CDH12: variants seen among roughly 807,000 people sequenced by gnomAD.
The protein encoded by CDH12 is cadherin 12, also known as cadherin-12.
CDH12 carries 41 observed loss-of-function variants against 74.1 expected under a neutral mutation model. The observed-to-expected ratio is 0.55, with a 90% confidence interval of 0.43 to 0.72. The LOEUF (loss-of-function observed/expected upper bound fraction) is 0.72, where lower values mean the gene tolerates loss of function less well. CDH12 is among the 30% of genes least tolerant of loss of function. The pLI is 0.00. For missense variants in CDH12, 945 were observed against 977.2 expected, an observed-to-expected ratio of 0.97 and a Z score of 0.44; for synonymous variants, 399 against 355.0, an observed-to-expected ratio of 1.12 and a Z score of -1.39.
At chr5:22,724,531 G>T (rs1433614810) in intron 1 of CDH12, among the ~76,000 whole-genome samples, 1 of 151,858 alleles carries the variant, frequency 6.6e-6, no homozygotes, top group Non-Finnish European at 1.5e-5. Flanking sequence ...ATCACCTCCA[G>T]CTCCATTTCA....
chr5:22,257,303 C>T (rs1413829418), intron 3 of CDH12, among the ~76,000 whole-genome samples: 1 of 151,836 alleles, frequency 6.6e-6, no homozygotes, highest in Non-Finnish European at 1.5e-5. Flanking sequence ...CAAACCTGCA[C>T]TTGTATCCCT....
intron 7 of CDH12, among the ~76,000 whole-genome samples, chr5:21,850,833 G>GT (rs966201483): frequency 8.0e-5 from 12 of 150,696 alleles, no homozygotes; most frequent in East Asian, 3.9e-4. Context: ...TCACTCAATT[G>GT]TTTTTTTTAA....
At chr5:22,527,228 C>G (rs958975842) in intron 1 of CDH12, among the ~76,000 whole-genome samples, 1 of 152,068 alleles carries the variant, frequency 6.6e-6, no homozygotes, top group Non-Finnish European at 1.5e-5. Flanking sequence ...TGGCATTGTT[C>G]TGGGTCCTTC....
At chr5:22,770,292 G>C (rs573572264) in intron 1 of CDH12, among the ~76,000 whole-genome samples, 1 of 152,192 alleles carries the variant, frequency 6.6e-6, no homozygotes. Context: ...AAAGCAAACA[G>C]GATTGGCATA....
intron 4 of CDH12, among the ~76,000 whole-genome samples, chr5:22,178,252 C>A (rs57626343): frequency 6.6e-6 from 1 of 151,884 alleles, no homozygotes; most frequent in Non-Finnish European, 1.5e-5. Context: ...CAGATGTGGA[C>A]TCAGCTCAAA....
At chr5:21,955,825 T>C (rs1195890360) in intron 6 of CDH12, among the ~76,000 whole-genome samples, 1 of 151,990 alleles carries the variant, frequency 6.6e-6, no homozygotes, top group Non-Finnish European at 1.5e-5. Context: ...GAATTGAACA[T>C]TTTTTTAAGG....
chr5:21,951,888 A>AG (rs1755878369), intron 6 of CDH12, among the ~76,000 whole-genome samples: 1 of 152,180 alleles, frequency 6.6e-6, no homozygotes, highest in Admixed American at 6.5e-5. Context: ...CACCAACCCT[A>AG]GGTACATCTT....
chr5:22,648,637 A>G (rs1739567071), intron 1 of CDH12, among the ~76,000 whole-genome samples: 1 of 151,928 alleles, frequency 6.6e-6, no homozygotes, highest in African/African-American at 2.4e-5. Context: ...TTTCTTATAG[A>G]CACAGGTACA....
intron 10 of CDH12, among the ~76,000 whole-genome samples, chr5:21,796,147 C>G (rs542475808): frequency 6.6e-6 from 1 of 151,862 alleles, no homozygotes; most frequent in African/African-American, 2.4e-5. Context: ...TACAGATGCC[C>G]CTTGACTTAC....
intron 1 of CDH12, among the ~76,000 whole-genome samples, chr5:22,648,119 C>G (rs1295749248): frequency 1.3e-5 from 2 of 151,740 alleles, no homozygotes; most frequent in Non-Finnish European, 3.0e-5. Flanking sequence ...TACATATATA[C>G]AGAAGATAAA....
intron 4 of CDH12, among the ~76,000 whole-genome samples, chr5:22,094,064 G>A (rs1743597103): frequency 6.6e-6 from 1 of 152,158 alleles, no homozygotes; most frequent in Non-Finnish European, 1.5e-5. Flanking sequence ...AAGTTTTATA[G>A]AAACCATCTG....
At chr5:22,713,074 T>G (rs924915714) in intron 1 of CDH12, among the ~76,000 whole-genome samples, 25 of 151,056 alleles carry the variant, frequency 1.7e-4, no homozygotes, top group African/African-American at 6.1e-4. Flanking sequence ...GTTTCAGAGA[T>G]AGACTGGATT....
intron 1 of CDH12, among the ~76,000 whole-genome samples, chr5:22,777,182 AAG>A (rs1195308133): frequency 1.3e-5 from 2 of 152,198 alleles, no homozygotes; most frequent in Non-Finnish European, 2.9e-5. Context: ...ATAATGCAGA[AAG>A]AGGAAAAATC....
At chr5:22,028,185 CT>C (rs1239672160) in intron 5 of CDH12, among the ~76,000 whole-genome samples, 1 of 152,090 alleles carries the variant, frequency 6.6e-6, no homozygotes, top group Non-Finnish European at 1.5e-5. Context: ...GAAGCATTCC[CT>C]TTGAGAAATG....
intron 3 of CDH12, among the ~76,000 whole-genome samples, chr5:22,275,390 T>G (rs376550136): frequency 6.6e-6 from 1 of 152,242 alleles, no homozygotes. Context: ...TTAAAAACAG[T>G]AAACCTAAGA....
intron 1 of CDH12, among the ~76,000 whole-genome samples, chr5:22,717,777 T>C (rs1023649572): frequency 6.6e-6 from 1 of 152,174 alleles, no homozygotes; most frequent in Admixed American, 6.5e-5. Flanking sequence ...AGTTAGTGTA[T>C]TGTTGCCTGA....
At chr5:22,172,425 C>G (rs569401320) in intron 4 of CDH12, 35 of 151,976 alleles carry the variant, frequency 2.3e-4, no homozygotes, top group African/African-American at 8.2e-4. Flanking sequence ...AGAACGAGAA[C>G]TCAATCTTCC....
Position 21,958,776 on chromosome 5 carries a change from C to T in CDH12, c.526+16315G>A, listed in dbSNP as rs530253540. ...TCTTAAGATTGCCTTGGCTATTTGG[C>T]CTCTTTTTTGGTTCCACATGAATTT... On this transcript the variant is annotated intron_variant, in intron 6 of 14. Transcript: ENST00000382254. Among the ~76,000 whole-genome samples, 24 of 152,112 alleles carry T rather than the reference C, an allele frequency of 1.6e-4. No homozygotes were observed. In the South Asian group the frequency reaches 2.3e-3, roughly 14 times the overall value.
intron 4 of CDH12, among the ~76,000 whole-genome samples, chr5:22,135,771 T>A (rs2150292069): frequency 6.6e-6 from 1 of 152,172 alleles, no homozygotes. Context: ...GTGGGTAAAG[T>A]AAGTCTTAGA....
Sources: allele counts gnomAD v4.1 joint callset (sites outside exome capture counted in the v4.1 genomes callset), GRCh38; gene constraint gnomAD v4.1.1; transcripts MANE v1.5; gene names NCBI Gene and HGNC (gene_info 2026-07-23, HGNC 2026-07-21).